Variants in NRXN1 observed in about 807,000 individuals in gnomAD.
The protein encoded by NRXN1 is neurexin-1.
NRXN1 carries 39 observed loss-of-function variants against 150.9 expected under a neutral mutation model. The ratio of observed to expected loss-of-function variants is 0.26; its 90% CI spans 0.20 to 0.34. NRXN1 has a LOEUF of 0.34. Among genes scored for constraint, NRXN1 ranks in the 10% least tolerant of loss-of-function variants. The pLI is 1.00. For missense variants in NRXN1, 1,815 were observed against 1,949.9 expected, an observed-to-expected ratio of 0.93 and a Z score of 1.30; for synonymous variants, 924 against 757.0, an observed-to-expected ratio of 1.22 and a Z score of -3.62.
chr2:50,236,505 A>G (rs889045078), intron 18 of NRXN1, among the ~76,000 whole-genome samples: 3 of 151,824 alleles, frequency 2.0e-5, no homozygotes, highest in Non-Finnish European at 4.4e-5. Context: ...AAGTCTGCCT[A>G]AAGACACTAA....
intron 2 of NRXN1, among the ~76,000 whole-genome samples, chr2:51,001,246 GC>G (rs1416716687): frequency 2.3e-5 from 3 of 130,256 alleles, no homozygotes; most frequent in Admixed American, 8.5e-5. Context: ...GGGGGGGGGG[GC>G]GTTTGTCAGG....
intron 21 of NRXN1, among the ~76,000 whole-genome samples, chr2:49,950,208 A>G (rs1251688039): frequency 6.6e-6 from 1 of 151,944 alleles, no homozygotes; most frequent in Non-Finnish European, 1.5e-5. Context: ...GCAAATCAGT[A>G]AAGAAATAGA....
chr2:50,561,502 C>T (rs183928537), intron 8 of NRXN1, among the ~76,000 whole-genome samples: 1 of 152,312 alleles, frequency 6.6e-6, no homozygotes, highest in Admixed American at 6.5e-5. Context: ...TGGCATCAAT[C>T]TCTGATCAAA....
intron 5 of NRXN1, among the ~76,000 whole-genome samples, chr2:50,704,300 T>G (rs1490358575): frequency 6.6e-6 from 1 of 152,016 alleles, no homozygotes; most frequent in Admixed American, 6.6e-5. Context: ...TCAAGCACAA[T>G]TTTTAAAAAT....
At chr2:50,262,937 T>A (rs2068445213) in intron 17 of NRXN1, among the ~76,000 whole-genome samples, 1 of 151,992 alleles carries the variant, frequency 6.6e-6, no homozygotes, top group African/African-American at 2.4e-5. Context: ...AGATACCCAG[T>A]TAAATAATCC....
chr2:50,382,474 A>G (rs1259396706), intron 17 of NRXN1, among the ~76,000 whole-genome samples: 1 of 152,190 alleles, frequency 6.6e-6, no homozygotes, highest in African/African-American at 2.4e-5. Context: ...AGTGGATACT[A>G]GAAAAATGAA....
At chr2:50,190,000 G>T (rs2061348751) in intron 18 of NRXN1, among the ~76,000 whole-genome samples, 1 of 152,052 alleles carries the variant, frequency 6.6e-6, no homozygotes, top group South Asian at 2.1e-4. Context: ...GAGATTAGTA[G>T]CAAAAGGCTG....
At chr2:50,524,827 C>T (rs1258308683) in intron 12 of NRXN1, among the ~76,000 whole-genome samples, 5 of 151,968 alleles carry the variant, frequency 3.3e-5, no homozygotes, top group Non-Finnish European at 5.9e-5. Flanking sequence ...AAAAATGGCA[C>T]TACTTAATCA....
At chr2:50,077,202 C>A (rs909145869) in intron 19 of NRXN1, among the ~76,000 whole-genome samples, 1 of 152,136 alleles carries the variant, frequency 6.6e-6, no homozygotes, top group Non-Finnish European at 1.5e-5. Context: ...GACTGCATGT[C>A]TAACTTATTG....
chr2:50,907,413 T>C (rs917187339), intron 5 of NRXN1, among the ~76,000 whole-genome samples: 2 of 152,104 alleles, frequency 1.3e-5, no homozygotes, highest in African/African-American at 4.8e-5. Flanking sequence ...ACTTTTCTCT[T>C]GTTAATCTGT....
chr2:50,893,540 A>G lies in NRXN1; in HGVS notation c.832+28329T>C, dbSNP rs375770898. Among the ~76,000 whole-genome samples the G allele has an allele frequency of 4.6e-5, 7 of 152,248 alleles. No homozygotes were observed. The South Asian group carries it at 8.3e-4, about 18-fold the overall frequency. ...GACCAAAAGATTCTTCTTAGAAGCT[A>G]TTCTGATATTTGAGATGTCCCCATG... On this transcript the variant is annotated intron_variant, in intron 5 of 22. Transcript: ENST00000401669.
chr2:50,718,189 G>C (rs1410305483), intron 5 of NRXN1, among the ~76,000 whole-genome samples: 1 of 152,092 alleles, frequency 6.6e-6, no homozygotes, highest in Non-Finnish European at 1.5e-5. Flanking sequence ...TAAAAAATAG[G>C]TTCCTCTCTT....
At chr2:50,739,066 A>G (rs529197022) in intron 5 of NRXN1, among the ~76,000 whole-genome samples, 28 of 152,322 alleles carry the variant, frequency 1.8e-4, no homozygotes, top group African/African-American at 6.7e-4. Context: ...TTACCTACAA[A>G]GAAATATAAA....
chr2:50,233,275 G>A (rs538293659), intron 18 of NRXN1, among the ~76,000 whole-genome samples: 1 of 151,818 alleles, frequency 6.6e-6, no homozygotes, highest in Non-Finnish European at 1.5e-5. Flanking sequence ...ATGACTTTGA[G>A]GTTAACAGTG....
chr2:50,743,029 A>T (rs1372188823), intron 5 of NRXN1, among the ~76,000 whole-genome samples: 1 of 152,238 alleles, frequency 6.6e-6, no homozygotes, highest in Admixed American at 6.5e-5. Context: ...AAATAAAAGT[A>T]TAAGAAAAGA....
At chr2:50,128,941 C>T (rs1705035075) in intron 18 of NRXN1, among the ~76,000 whole-genome samples, 1 of 151,782 alleles carries the variant, frequency 6.6e-6, no homozygotes, top group Non-Finnish European at 1.5e-5. Context: ...CGAGATCACA[C>T]CACTGCACTC....
intron 17 of NRXN1, among the ~76,000 whole-genome samples, chr2:50,424,135 G>A (rs1007810460): frequency 3.9e-5 from 5 of 129,182 alleles, no homozygotes; most frequent in Non-Finnish European, 6.5e-5. Context: ...GGCGGAGGAG[G>A]AGGAGGAGGG....
intron 15 of NRXN1, among the ~76,000 whole-genome samples, chr2:50,492,861 C>A (rs1211184452): frequency 6.6e-6 from 1 of 152,182 alleles, no homozygotes; most frequent in African/African-American, 2.4e-5. Context: ...CAACATAGAT[C>A]TTGCATTATT....
At chr2:50,639,225 T>TCTTTC (rs1553916456) in intron 5 of NRXN1, among the ~76,000 whole-genome samples, 1 of 132,872 alleles carries the variant, frequency 7.5e-6, no homozygotes, top group Non-Finnish European at 1.7e-5. Flanking sequence ...TTTCTTTCTT[T>TCTTTC]TTTTTTTTTT....
Sources: gnomAD v4.1 joint callset for allele counts (sites outside exome capture counted in the v4.1 genomes callset) on GRCh38, gnomAD v4.1.1 for gene constraint, MANE v1.5 for transcripts, NCBI Gene and HGNC (gene_info 2026-07-23, HGNC 2026-07-21) for gene names.